EPHA5: variants seen among roughly 807,000 people sequenced by gnomAD.
EPHA5 encodes EPH receptor A5, also known as ephrin type-A receptor 5.
Under a neutral mutation model 105.0 loss-of-function variants are expected in EPHA5, and 60 were observed. The observed-to-expected ratio is 0.57, with a 90% CI of 0.46 to 0.71. EPHA5 has a LOEUF of 0.71. Among genes scored for constraint, EPHA5 ranks in the 30% least tolerant of loss-of-function variants. The pLI, the probability that EPHA5 is intolerant of heterozygous loss-of-function variation, is 0.00. For missense variants in EPHA5, 1,218 were observed against 1,274.7 expected, an observed-to-expected ratio of 0.96 and a Z score of 0.68; for synonymous variants, 513 against 449.1, an observed-to-expected ratio of 1.14 and a Z score of -1.80.
chr4:65,503,006 T>C (rs984570024), intron 3 of EPHA5, among the ~76,000 whole-genome samples: 1 of 151,728 alleles, frequency 6.6e-6, no homozygotes, highest in South Asian at 2.1e-4. Context: ...AGTGAACTGA[T>C]GCAGGAACAG....
intron 5 of EPHA5, among the ~76,000 whole-genome samples, chr4:65,465,127 T>C (rs1384855678): frequency 1.3e-5 from 2 of 152,014 alleles, no homozygotes; most frequent in African/African-American, 2.4e-5. Context: ...AGGAGTCATA[T>C]TAGCTGGTAA....
At chr4:65,614,373 A>G (rs970010752) in intron 2 of EPHA5, among the ~76,000 whole-genome samples, 3 of 151,892 alleles carry the variant, frequency 2.0e-5, no homozygotes, top group Non-Finnish European at 4.4e-5. Context: ...GTAAAGAAAC[A>G]GAATGTTTTA....
chr4:65,621,286 C>T (rs1473265878), intron 2 of EPHA5, among the ~76,000 whole-genome samples: 1 of 152,098 alleles, frequency 6.6e-6, no homozygotes, highest in Non-Finnish European at 1.5e-5. Context: ...TGGAGGATAC[C>T]TAGACCAGAA....
chr4:65,551,736 C>T lies in EPHA5; in HGVS notation c.910+49905G>A, dbSNP rs1737942208. Among the ~76,000 whole-genome samples, 5 of 152,016 alleles carry T rather than the reference C, an allele frequency of 3.3e-5. No homozygotes were observed. In the South Asian group the frequency reaches 1.0e-3, roughly 32 times the overall value. Reference sequence around the variant, plus strand: ...AAACTAAATATCTAAAGTAGACTTCCTCCTGTTTACTCATGTGTTACACCA... The same window carrying T: ...AAACTAAATATCTAAAGTAGACTTCTTCCTGTTTACTCATGTGTTACACCA... On this transcript the variant is annotated intron_variant, in intron 3 of 16. Coordinates refer to ENST00000613740, the MANE Select transcript of EPHA5 (RefSeq NM_001281766.3).
At chr4:65,631,720 C>T (rs1171898802) in intron 2 of EPHA5, among the ~76,000 whole-genome samples, 1 of 118,962 alleles carries the variant, frequency 8.4e-6, no homozygotes, top group Non-Finnish European at 2.0e-5. Context: ...GACATGTACC[C>T]TAAAACTTAA....
intron 5 of EPHA5, among the ~76,000 whole-genome samples, chr4:65,472,799 G>A (rs973809961): frequency 6.6e-6 from 1 of 152,168 alleles, no homozygotes; most frequent in Non-Finnish European, 1.5e-5. Flanking sequence ...GGAGAGAAGG[G>A]CTGCTCCAAA....
In EPHA5 at chr4:65,384,346, T is replaced by C. The variant is rs191253167; in HGVS notation, c.1794-16922A>G. On this transcript the variant is annotated intron_variant, in intron 8 of 16. Coordinates refer to ENST00000613740, the MANE Select transcript of EPHA5 (RefSeq NM_001281766.3). ...TGATTTCTTCTCAATTTGTTCCAAA[T>C]ACTCACAATCTATAGCAACTGGTCC... Among the ~76,000 whole-genome samples the C allele has an allele frequency of 2.3e-3, 352 of 152,110 alleles. 4 individuals are homozygous for C. The highest frequency in any genetic ancestry group is 8.2e-3 in the African/African-American group (342 of 41,556).
rs543059012 is a variant in EPHA5 at position 65,569,325 on chromosome 4, T to C, written c.910+32316A>G. ...TGTTTTATCTTAATTAGTACAATTATTTCCTAAGTGTTCTTTTAAAAGAAT... is the reference window on the plus strand; with the variant it reads ...TGTTTTATCTTAATTAGTACAATTACTTCCTAAGTGTTCTTTTAAAAGAAT... On this transcript the variant is annotated intron_variant, in intron 3 of 16. Coordinates refer to ENST00000613740, the MANE Select transcript of EPHA5 (RefSeq NM_001281766.3). Among the ~76,000 whole-genome samples the C allele has an allele frequency of 1.2e-4, 18 of 151,742 alleles. No homozygotes were observed. The South Asian group carries it at 3.7e-3, about 31-fold the overall frequency.
chr4:65,481,833 T>C (rs964603570), intron 5 of EPHA5, among the ~76,000 whole-genome samples: 2 of 152,230 alleles, frequency 1.3e-5, no homozygotes, highest in African/African-American at 4.8e-5. Context: ...ATGTGCTACT[T>C]CTGGTAGCTG....
chr4:65,355,935 G>A (rs1372919462), intron 11 of EPHA5, among the ~76,000 whole-genome samples: 3 of 151,518 alleles, frequency 2.0e-5, no homozygotes, highest in African/African-American at 7.3e-5. Context: ...AATCCTCCAT[G>A]TGTGGCTCTT....
At chr4:65,651,816 C>A (rs2149529924) in intron 1 of EPHA5, among the ~76,000 whole-genome samples, 1 of 152,042 alleles carries the variant, frequency 6.6e-6, no homozygotes, top group Non-Finnish European at 1.5e-5. Flanking sequence ...TGTTAATAGC[C>A]TAAAAAAGTG....
At chr4:65,527,312 G>A (rs1043284497) in intron 3 of EPHA5, among the ~76,000 whole-genome samples, 5 of 152,024 alleles carry the variant, frequency 3.3e-5, no homozygotes, top group Admixed American at 6.6e-5. Context: ...AGTGACAAAC[G>A]ATGAAAAATA....
chr4:65,513,544 G>A lies in EPHA5; in HGVS notation c.911-18001C>T, dbSNP rs570526520. ...TGAGATTATAGTCACGTGCCACCAC[G>A]CCCGACTAATTTTTGTGATCTCAGT... On this transcript the variant is annotated intron_variant, in intron 3 of 16. Coordinates refer to ENST00000613740, the MANE Select transcript of EPHA5 (RefSeq NM_001281766.3). 3.4e-4 allele frequency among the ~76,000 whole-genome samples: 52 copies of A among 152,010 alleles called. 1 individual carries two copies. The highest frequency in any genetic ancestry group is 1.2e-3 in the African/African-American group (51 of 41,472).
At chr4:65,363,155 A>T (rs1378434240) in intron 11 of EPHA5, among the ~76,000 whole-genome samples, 58 of 151,566 alleles carry the variant, frequency 3.8e-4, no homozygotes, top group Non-Finnish European at 3.8e-4. Flanking sequence ...AAAATGGACT[A>T]AGCATAGAAT....
At chr4:65,413,860 T>C (rs1289760182) in intron 7 of EPHA5, among the ~76,000 whole-genome samples, 1 of 152,152 alleles carries the variant, frequency 6.6e-6, no homozygotes, top group East Asian at 1.9e-4. Flanking sequence ...ATCAGATTAG[T>C]TCCTGAGAGC....
chr4:65,549,015 C>A (rs150894171), intron 3 of EPHA5, among the ~76,000 whole-genome samples: 1 of 152,270 alleles, frequency 6.6e-6, no homozygotes, highest in Non-Finnish European at 1.5e-5. Context: ...TTAAAGCAAG[C>A]TAACTGTATT....
intron 2 of EPHA5, among the ~76,000 whole-genome samples, chr4:65,607,159 T>C (rs574397908): frequency 7.8e-4 from 118 of 152,108 alleles, no homozygotes; most frequent in African/African-American, 2.8e-3. Flanking sequence ...ATATCCTGAT[T>C]TCAAATTACT....
chr4:65,563,430 A>T (rs1739221857), intron 3 of EPHA5, among the ~76,000 whole-genome samples: 2 of 152,110 alleles, frequency 1.3e-5, no homozygotes, highest in Non-Finnish European at 2.9e-5. Context: ...GTAGCTTCTG[A>T]TTCTAACATA....
chr4:65,332,244 AG>A (rs1720694636), intron 15 of EPHA5, 116 bp from the exon 16 acceptor site: 1 of 794,322 alleles, frequency 1.3e-6, no homozygotes, highest in Non-Finnish European at 1.8e-6. Flanking sequence ...ATATTTATAG[AG>A]GAAAAATATG....
Sources: allele counts gnomAD v4.1 joint callset (sites outside exome capture counted in the v4.1 genomes callset), GRCh38; gene constraint gnomAD v4.1.1; transcripts MANE v1.5; gene names NCBI Gene and HGNC (gene_info 2026-07-23, HGNC 2026-07-21).